The following HNRNPDL variants were observed in gnomAD, a reference collection of about 807,000 sequenced individuals.
HNRNPDL encodes the protein heterogeneous nuclear ribonucleoprotein D-like.
In HNRNPDL, 18 loss-of-function variants were observed where a neutral mutation model predicts 48.0. The observed-to-expected ratio is 0.38, with a 90% confidence interval of 0.26 to 0.56. The LOEUF is 0.56. Among genes scored for constraint, HNRNPDL ranks in the 20% least tolerant of loss-of-function variants. The pLI is 0.77. For synonymous variants in HNRNPDL, 306 were observed against 207.3 expected, an observed-to-expected ratio of 1.48 and a Z score of -4.09; for missense variants, 553 against 540.7, an observed-to-expected ratio of 1.02 and a Z score of -0.23.
Position 82,427,193 on chromosome 4 carries a change from G to C in HNRNPDL, c.1018C>G (p.Arg340Gly), listed in dbSNP as rs1303531260. 6.2e-7 allele frequency: 1 copy of C among 1,603,474 alleles called. No homozygotes were observed. Among genetic ancestry groups the C allele is most frequent in the Non-Finnish European group, 8.5e-7 (1 of 1,170,636 alleles). Residue 340 changes from arginine to glycine, a missense_variant, in exon 5 of 8, where the codon CGA (arginine) becomes GGA (glycine). Arg to Gly is a moderately radical substitution (Grantham distance 125). Transcript: ENST00000295470. Reference protein sequence around the residue: ...GGRGGTRGRGRGQGQNWNQGF... With the variant: ...GGRGGTRGRGGGQGQNWNQGF... ...TATTTCAAGAATTAAGTCTCACCTC[G>C]GCCACGACCCCTCGTACCACCTCGT...
At position 82,427,555 on chromosome 4, in the gene HNRNPDL, T is replaced by C; in HGVS notation, c.784A>G (p.Ile262Val). ...YFGAFGEIEN[I>V]ELPMDTKTNE... ...GTTTTTGTATCCATGGGAAGTTCAA[T>C]ATTTTCAATCTGAAATCGAGATGCA... is the stretch of plus-strand genomic sequence containing the variant. Residue 262 changes from isoleucine to valine, a missense_variant, in exon 4 of 8, where the codon ATT becomes GTT. By Grantham distance (29) the Ile-to-Val change is conservative (BLOSUM62 3). This residue lies in a region of HNRNPDL where 174 missense variants were observed against 204.6 expected (regional missense o/e 0.85). Transcript: ENST00000295470. 1 of 1,609,050 alleles carries C rather than the reference T, an allele frequency of 6.2e-7. No individual in the cohort carries two copies. Among genetic ancestry groups the C allele is most frequent in the Non-Finnish European group, 8.5e-7 (1 of 1,178,754 alleles).
intron 1 of HNRNPDL, 93 bp downstream of exon 1, chr4:82,429,153 CTG>C: frequency 8.4e-7 from 1 of 1,186,332 alleles, no homozygotes; most frequent in Non-Finnish European, 1.3e-6. Context: ...GGAATCGACT[CTG>C]AGAAAGAATG....
In HNRNPDL at chr4:82,429,367, C is replaced by G; in HGVS notation, c.324G>C (p.Ala108=). The G allele has an allele frequency of 6.2e-7, 1 of 1,613,466 alleles. No individual in the cohort carries two copies. Among genetic ancestry groups the G allele is most frequent in the South Asian group, 1.1e-5 (1 of 91,076 alleles). Residue 108 remains alanine, a synonymous_variant, in exon 1 of 8, where the codon GCG becomes GCC. Transcript: ENST00000295470. The part of the protein sequence containing the change: ...SAAAAAATRT[A]RQHPPADSSV... ...AGCTGTCGGCAGGGGGGTGCTGGCG[C>G]GCAGTCCGGGTCGCGGCAGCAGCGG...
rs980578436 is a variant in HNRNPDL, at chr4:82,429,905, T to C, written c.-215A>G. Reference sequence around the variant, plus strand: ...TACCAAAAAGCCGTCAACCCCGCCTTTTTCTGCCCTCGGTTCGCCAGTGCG... The same window carrying C: ...TACCAAAAAGCCGTCAACCCCGCCTCTTTCTGCCCTCGGTTCGCCAGTGCG... On this transcript the variant is annotated 5_prime_UTR_variant, in exon 1 of 8. Coordinates refer to ENST00000295470, the MANE Select transcript of HNRNPDL (RefSeq NM_031372.4). 1 of 380,628 alleles carries C rather than the reference T, an allele frequency of 2.6e-6. No individual in the cohort carries two copies. The highest frequency in any genetic ancestry group is 4.6e-6 in the Non-Finnish European group (1 of 215,502). The allele number at this position is 380,628 out of a possible 1,614,324, so 23.6% of individuals were successfully genotyped here.
At chr4:82,425,965 A>T in intron 7 of HNRNPDL, 72 bp downstream of exon 7, 1 of 1,034,958 alleles carries the variant, frequency 9.7e-7, no homozygotes, top group Non-Finnish European at 1.5e-6. Context: ...TTTTGTTTTT[A>T]CGTTTCATTT....
rs367614143 is a variant in HNRNPDL, at chr4:82,426,030, T to C, written c.*22+7A>G. On this transcript the variant is annotated splice_region_variant and intron_variant, in intron 7 of 7. Coordinates refer to ENST00000295470, the MANE Select transcript of HNRNPDL (RefSeq NM_031372.4). ...TTTCTACTGTTTTCCTGTACTCTTATACACACCTGTTTTCTCCAATGTTCT... is the reference window on the plus strand; with the variant it reads ...TTTCTACTGTTTTCCTGTACTCTTACACACACCTGTTTTCTCCAATGTTCT... 102 of 1,544,254 alleles carry C rather than the reference T, an allele frequency of 6.6e-5. No individual in the cohort carries two copies. The highest frequency in any genetic ancestry group is 8.3e-5 in the Non-Finnish European group (93 of 1,116,918).
Position 82,428,075 on chromosome 4 carries a change from T to C in HNRNPDL, c.717A>G (p.Gly239=). Residue 239 remains glycine, a synonymous_variant, in exon 3 of 8, where the codon GGA becomes GGG. Coordinates refer to ENST00000295470, the MANE Select transcript of HNRNPDL (RefSeq NM_031372.4). ...GTTCTTCAGAAGTATCCGGGCTCAATCCACCCACAAAAACCTTTTTGGGAG... is the reference window on the plus strand; with the variant it reads ...GTTCTTCAGAAGTATCCGGGCTCAACCCACCCACAAAAACCTTTTTGGGAG... The part of the protein sequence containing the change: ...KEPPKKVFVG[G]LSPDTSEEQI... 6 of 1,614,166 alleles carry C rather than the reference T, an allele frequency of 3.7e-6. No homozygotes were observed. Among genetic ancestry groups the C allele is most frequent in the South Asian group, 1.1e-5 (1 of 91,084 alleles).
At chr4:82,428,713 T>G (rs1241845895) in intron 1 of HNRNPDL, among the ~76,000 whole-genome samples, 1 of 152,232 alleles carries the variant, frequency 6.6e-6, no homozygotes, top group African/African-American at 2.4e-5. Context: ...CAGATTCCTT[T>G]AGGTAGAAGG....
chr4:82,429,555 C>CGAGCGAAGGGAG lies in HNRNPDL; in HGVS notation c.124_135dup (p.Leu42_Leu45dup). 6.9e-7 allele frequency: 1 copy of CGAGCGAAGGGAG among 1,451,270 alleles called. No individual in the cohort carries two copies. The highest frequency in any genetic ancestry group is 1.5e-5 in the African/African-American group (1 of 66,948). 89.9% of individuals were successfully genotyped at this position (1,451,270 alleles called of 1,614,324 possible). ...GCCCCCTGCCGGGCGGAGCTGGGAG[C>CGAGCGAAGGGAG]GAGCGAAGGGAGGAGCGGGGCTAGC... On this transcript the variant is annotated inframe_insertion, in exon 1 of 8. Coordinates refer to ENST00000295470, the MANE Select transcript of HNRNPDL (RefSeq NM_031372.4).
At position 82,427,514 on chromosome 4, in the gene HNRNPDL, T is replaced by C. The variant is rs1432325492; in HGVS notation, c.825A>G (p.Gly275=). 3 of 1,608,500 alleles carry C rather than the reference T, an allele frequency of 1.9e-6. No homozygotes were observed. Among genetic ancestry groups the C allele is most frequent in the African/African-American group, 2.7e-5 (2 of 74,744 alleles). The stretch of plus-strand genomic sequence containing the variant: ...CATCAGTATATGTGATAAAACAAAA[T>C]CCTCTTCTTTCATTTGTTTTTGTAT... ...PMDTKTNERR[G]FCFITYTDEE... The change falls in exon 4 of 8, where the codon GGA becomes GGG. Residue 275 remains glycine (G), a synonymous_variant. Transcript: ENST00000295470.
chr4:82,426,695 G>A (rs1226110225), intron 5 of HNRNPDL, 62 bp from the exon 6 acceptor site: 2 of 1,343,228 alleles, frequency 1.5e-6, no homozygotes, highest in Admixed American at 3.4e-5. Context: ...AACATAAAAT[G>A]ATGCGTTCTT....
Position 82,423,012 on chromosome 4 carries a change from A to C in HNRNPDL, c.*1894T>G, listed in dbSNP as rs1388481106. The C allele has an allele frequency of 6.6e-6, 1 of 151,952 alleles. No individual in the cohort carries two copies. Among genetic ancestry groups the C allele is most frequent in the African/African-American group, 2.4e-5 (1 of 41,370 alleles). 9.4% of individuals were successfully genotyped at this position (151,952 alleles called of 1,614,324 possible). ...CCTTAGAGTATCTGTTCAAATTTGCATCAGTTGGTGAACTGATAGACCCTG... is the reference window on the plus strand; with the variant it reads ...CCTTAGAGTATCTGTTCAAATTTGCCTCAGTTGGTGAACTGATAGACCCTG... On this transcript the variant is annotated 3_prime_UTR_variant, in exon 8 of 8. Coordinates refer to ENST00000295470, the MANE Select transcript of HNRNPDL (RefSeq NM_031372.4).
Position 82,429,404 on chromosome 4 carries a change from T to C in HNRNPDL, c.287A>G (p.Gln96Arg), listed in dbSNP as rs768442894. The C allele has an allele frequency of 4.3e-5, 69 of 1,612,876 alleles. No individual in the cohort carries two copies. Among genetic ancestry groups the C allele is most frequent in the Middle Eastern group, 1.6e-4 (1 of 6,080 alleles). The change falls in exon 1 of 8, where the codon CAA becomes CGA. Residue 96 changes from glutamine (Q) to arginine (R), a missense_variant. Physicochemically the swap from Gln to Arg is conservative, Grantham distance 43. Around this residue, in one of 4 missense-constraint regions of HNRNPDL, gnomAD observed 327 missense variants for 203.2 expected, o/e 1.61. Coordinates refer to ENST00000295470, the MANE Select transcript of HNRNPDL (RefSeq NM_031372.4). ...CGCGGCAGCAGCGGCGGCGGAGCGT[T>C]GTATGGAGCTGGATTTAAAATGGCG... ...FRRHFKSSSI[Q>R]RSAAAAAATR...
rs1293693246 is a variant in HNRNPDL, at chr4:82,424,748, T to A, written c.*158A>T. 1.3e-5 allele frequency: 2 copies of A among 152,394 alleles called. No individual in the cohort carries two copies. Among genetic ancestry groups the A allele is most frequent in the Non-Finnish European group, 2.9e-5 (2 of 68,008 alleles). The allele number at this position is 152,394 out of a possible 1,614,324, so 9.4% of individuals were successfully genotyped here. ...AGGACAAAGTAAAAACAAAGAAAAC[T>A]AATTGGCAGCTATATACAGTTGGAC... On this transcript the variant is annotated 3_prime_UTR_variant, in exon 8 of 8. Transcript: ENST00000295470.
chr4:82,429,376 G>T lies in HNRNPDL; in HGVS notation c.315C>A (p.Thr105=), dbSNP rs11552701. 2 of 1,613,654 alleles carry T rather than the reference G, an allele frequency of 1.2e-6. No individual in the cohort carries two copies. The highest frequency in any genetic ancestry group is 1.1e-5 in the South Asian group (1 of 91,074). The stretch of plus-strand genomic sequence containing the variant: ...CAGGGGGGTGCTGGCGCGCAGTCCG[G>T]GTCGCGGCAGCAGCGGCGGCGGAGC... The part of the protein sequence containing the change: ...IQRSAAAAAA[T]RTARQHPPAD... The change falls in exon 1 of 8, where the codon ACC becomes ACA. Residue 105 remains threonine (T), a synonymous_variant. Transcript: ENST00000295470.
rs1721611463 is a variant in HNRNPDL, at chr4:82,429,539, C to A, written c.152G>T (p.Arg51Leu). The part of the protein sequence containing the change: ...LLPSLAPSSA[R>L]QGARRAQRHV... The stretch of plus-strand genomic sequence containing the variant: ...GCGCTGGGCCCGGCGCGCCCCCTGC[C>A]GGGCGGAGCTGGGAGCGAGCGAAGG... Residue 51 changes from arginine (R) to leucine (L), a missense_variant, in exon 1 of 8, where the codon CGG becomes CTG. By Grantham distance (102) the Arg-to-Leu change is moderately radical. Around this residue, in one of 4 missense-constraint regions of HNRNPDL, gnomAD observed 327 missense variants for 203.2 expected, o/e 1.61. Coordinates refer to ENST00000295470, the MANE Select transcript of HNRNPDL (RefSeq NM_031372.4). The A allele has an allele frequency of 6.8e-7, 1 of 1,477,158 alleles. No homozygotes were observed. Among genetic ancestry groups the A allele is most frequent in the East Asian group, 2.7e-5 (1 of 37,662 alleles). 91.5% of individuals were successfully genotyped at this position (1,477,158 alleles called of 1,614,324 possible).
rs753846571 is a variant in HNRNPDL at position 82,429,298 on chromosome 4, T to A, written c.393A>T (p.Glu131Asp). 2 of 1,613,844 alleles carry A rather than the reference T, an allele frequency of 1.2e-6. No individual in the cohort carries two copies. Among genetic ancestry groups the A allele is most frequent in the Admixed American group, 1.7e-5 (1 of 60,032 alleles). The change falls in exon 1 of 8, where the codon GAA becomes GAT. Residue 131 changes from glutamate (E) to aspartate (D), a missense_variant. By Grantham distance (45) the Glu-to-Asp change is conservative. Transcript: ENST00000295470. Reference sequence around the variant, plus strand: ...CGTTGATCTTGGATCCCTCTGCGAATTCCTCTATATTGCTGTACTCGTTCA... The same window carrying A: ...CGTTGATCTTGGATCCCTCTGCGAAATCCTCTATATTGCTGTACTCGTTCA... ...EDMNEYSNIE[E>D]FAEGSKINAS...
chr4:82,427,615 A>G (rs1300546663), intron 3 of HNRNPDL, 51 bp from the exon 4 acceptor site: 1 of 1,580,454 alleles, frequency 6.3e-7, no homozygotes, highest in East Asian at 2.2e-5. Flanking sequence ...AAAACGTTAC[A>G]GTGTCAGAAT....
chr4:82,426,344 A>T (rs1721406414), intron 6 of HNRNPDL, 119 bp downstream of exon 6: 2 of 969,844 alleles, frequency 2.1e-6, no homozygotes, highest in Non-Finnish European at 3.1e-6. Flanking sequence ...AACATGCCTC[A>T]AACACTTAAC....
Sources: gnomAD v4.1 joint callset for allele counts (sites outside exome capture counted in the v4.1 genomes callset) on GRCh38, gnomAD v4.1.1 for gene constraint, gnomAD v4.1.1 regional missense constraint, MANE v1.5 for transcripts, NCBI Gene and HGNC (gene_info 2026-07-23, HGNC 2026-07-21) for gene names.